AMZ1: variants seen among roughly 807,000 people sequenced by gnomAD.
AMZ1 encodes archaemetzincin-1.
A neutral mutation model predicts 29.9 loss-of-function variants in AMZ1; 39 were observed. That is an observed-to-expected ratio of 1.30 (90% CI 1.01 to 1.70). AMZ1 has a LOEUF of 1.70. AMZ1 is among the 40% of genes most tolerant of loss of function. The pLI, the probability that AMZ1 is intolerant of heterozygous loss-of-function variation, is 0.00. For missense variants in AMZ1, 1,041 were observed against 680.6 expected, an observed-to-expected ratio of 1.53 and a Z score of -5.89; for synonymous variants, 458 against 304.0, an observed-to-expected ratio of 1.51 and a Z score of -5.27.
chr7:2,750,514 GTT>G (rs1790982196), intron 4 of AMZ1, among the ~76,000 whole-genome samples: 1 of 152,210 alleles, frequency 6.6e-6, no homozygotes. Context: ...CTATGGTCAA[GTT>G]TAATTGATAA....
intron 4 of AMZ1, among the ~76,000 whole-genome samples, chr7:2,725,291 G>A (rs183285607): frequency 1.3e-4 from 20 of 152,296 alleles, no homozygotes; most frequent in African/African-American, 3.1e-4. Flanking sequence ...ACCACGCCAC[G>A]CCAGCATCTC....
At position 2,712,894 on chromosome 7, in the gene AMZ1, C is replaced by T; in HGVS notation, c.*16C>T. ...AGAGAGTTAGTACAGCAGGGGCTGC[C>T]CTACGTCTCCTTCCCTAAGGATGCT... On this transcript the variant is annotated 3_prime_UTR_variant, in exon 7 of 7. Coordinates refer to ENST00000683327, the MANE Select transcript of AMZ1 (RefSeq NM_001384743.1). 6.6e-7 allele frequency: 1 copy of T among 1,509,182 alleles called. No homozygotes were observed. Among genetic ancestry groups the T allele is most frequent in the Non-Finnish European group, 8.9e-7 (1 of 1,128,916 alleles). 93.5% of individuals were successfully genotyped at this position (1,509,182 alleles called of 1,614,324 possible).
intron 6 of AMZ1, among the ~76,000 whole-genome samples, chr7:2,710,652 TCA>T (rs1401483879): frequency 3.3e-5 from 5 of 152,186 alleles, no homozygotes; most frequent in Non-Finnish European, 7.3e-5. Flanking sequence ...CATTTCTAGC[TCA>T]CAGTGCTGGA....
chr7:2,728,505 G>A (rs1331716856), intron 4 of AMZ1: 1 of 152,382 alleles, frequency 6.6e-6, no homozygotes, highest in Non-Finnish European at 1.5e-5. Flanking sequence ...ATAGATTTCA[G>A]TAAAACCCTA....
intron 4 of AMZ1, among the ~76,000 whole-genome samples, chr7:2,732,472 G>A (rs957134492): frequency 6.6e-6 from 1 of 152,166 alleles, no homozygotes; most frequent in Non-Finnish European, 1.5e-5. Flanking sequence ...TTTGAACCTA[G>A]GAGGTTGAGG....
In AMZ1 at chr7:2,714,580, A is replaced by G. The variant is rs186307198; in HGVS notation, c.*1702A>G. The G allele has an allele frequency of 8.5e-5, 13 of 152,416 alleles. No individual in the cohort carries two copies. The East Asian group carries it at 2.3e-3, about 27-fold the overall frequency. The allele number at this position is 152,416 out of a possible 1,614,324, so 9.4% of individuals were successfully genotyped here. On this transcript the variant is annotated 3_prime_UTR_variant, in exon 7 of 7. Coordinates refer to ENST00000683327, the MANE Select transcript of AMZ1 (RefSeq NM_001384743.1). ...AGCACCCTGCAGTAACAGAAGGTGAAAGCCGGAGCCTGGTGGCTGTTGCTG... is the reference window on the plus strand; with the variant it reads ...AGCACCCTGCAGTAACAGAAGGTGAGAGCCGGAGCCTGGTGGCTGTTGCTG...
upstream of AMZ1, among the ~76,000 whole-genome samples, chr7:2,761,573 G>A (rs1026041328): frequency 1.3e-5 from 2 of 152,168 alleles, no homozygotes; most frequent in African/African-American, 4.8e-5. Context: ...CTCATCTACC[G>A]AATTCCTAGG....
chr7:2,732,894 C>G (rs1214249879), intron 4 of AMZ1, among the ~76,000 whole-genome samples: 2 of 152,224 alleles, frequency 1.3e-5, no homozygotes, highest in African/African-American at 4.8e-5. Flanking sequence ...GATTCAAACT[C>G]TGCTAAAACA....
At chr7:2,702,347 C>T (rs748131270) in intron 2 of AMZ1, 3 of 215,796 alleles carry the variant, frequency 1.4e-5, no homozygotes, top group Non-Finnish European at 2.7e-5. Context: ...TGCTGTCTGC[C>T]CCAGTCAGGC....
intron 2 of AMZ1, among the ~76,000 whole-genome samples, chr7:2,701,587 G>A (rs1051808400): frequency 6.6e-6 from 1 of 152,218 alleles, no homozygotes; most frequent in African/African-American, 2.4e-5. Context: ...AGCGCGAGGG[G>A]CAGGGCCAGC....
At chr7:2,693,335 C>A (rs1787517566) in intron 1 of AMZ1, among the ~76,000 whole-genome samples, 1 of 152,020 alleles carries the variant, frequency 6.6e-6, no homozygotes, top group African/African-American at 2.4e-5. Context: ...TGATTGCCCG[C>A]CTCCCAAGGT....
At chr7:2,693,712 C>A (rs926295347) in intron 1 of AMZ1, among the ~76,000 whole-genome samples, 3 of 152,182 alleles carry the variant, frequency 2.0e-5, no homozygotes, top group South Asian at 4.1e-4. Flanking sequence ...CCCGCCACCA[C>A]GCCTGGCTAA....
rs570249504 is a variant in AMZ1 at position 2,710,164 on chromosome 7, G to A, written c.948+348G>A. Among the ~76,000 whole-genome samples the A allele has an allele frequency of 4.6e-5, 7 of 152,072 alleles. No individual in the cohort carries two copies. The South Asian group carries it at 6.2e-4, about 14-fold the overall frequency. On this transcript the variant is annotated intron_variant, in intron 6 of 6. Transcript: ENST00000683327. ...AGGGTAACTTTCTCTTTGCTTTCCC[G>A]TCACCCACACTTGGGTCACTGCTGC...
At chr7:2,686,434 T>TGA (rs1787081196), upstream of AMZ1, among the ~76,000 whole-genome samples, 1 of 152,100 alleles carries the variant, frequency 6.6e-6, no homozygotes, top group African/African-American at 2.4e-5. Context: ...CTCAGGAGGC[T>TGA]GAGGGAGGAG....
At chr7:2,695,210 T>G (rs1291745645) in intron 1 of AMZ1, among the ~76,000 whole-genome samples, 1 of 152,186 alleles carries the variant, frequency 6.6e-6, no homozygotes, top group African/African-American at 2.4e-5. Flanking sequence ...TGATGTTTCT[T>G]TCTTCCTTTA....
upstream of AMZ1, among the ~76,000 whole-genome samples, chr7:2,687,213 A>T (rs1787114961): frequency 6.6e-6 from 1 of 151,980 alleles, no homozygotes; most frequent in African/African-American, 2.4e-5. Flanking sequence ...TATAATCCCC[A>T]CTACTCAGGC....
At chr7:2,751,202 G>T (rs1437660190) in intron 4 of AMZ1, among the ~76,000 whole-genome samples, 2 of 151,842 alleles carry the variant, frequency 1.3e-5, no homozygotes, top group Non-Finnish European at 2.9e-5. Flanking sequence ...TGGGCAACAT[G>T]GTAAAACCCC....
chr7:2,694,102 T>C (rs923425900), intron 1 of AMZ1, among the ~76,000 whole-genome samples: 22 of 152,192 alleles, frequency 1.4e-4, no homozygotes, highest in African/African-American at 5.3e-4. Context: ...ACACCGTTCC[T>C]GGGCGTGTCT....
downstream of AMZ1, among the ~76,000 whole-genome samples, chr7:2,719,853 T>C (rs1297471441): frequency 1.3e-5 from 2 of 152,042 alleles, no homozygotes; most frequent in Non-Finnish European, 2.9e-5. Context: ...CGGCTAATTT[T>C]TGTATTTTTA....
Sources: allele counts gnomAD v4.1 joint callset (sites outside exome capture counted in the v4.1 genomes callset), GRCh38; gene constraint gnomAD v4.1.1; transcripts MANE v1.5; gene names NCBI Gene and HGNC (gene_info 2026-07-23, HGNC 2026-07-21).